The following PRKCA variants were observed in gnomAD, a reference collection of about 807,000 sequenced individuals.
The protein encoded by PRKCA is protein kinase C alpha, also known as protein kinase C alpha type.
A neutral mutation model predicts 87.0 loss-of-function variants in PRKCA; 27 were observed. The ratio of observed to expected loss-of-function variants is 0.31; its 90% CI spans 0.23 to 0.43. The LOEUF (loss-of-function observed/expected upper bound fraction) is 0.43. PRKCA is among the 20% of genes least tolerant of loss of function. The probability of loss-of-function intolerance (pLI) is 1.00; values close to 1 mark genes in which losing one functional copy is unlikely to be tolerated. For synonymous variants in PRKCA, 329 were observed against 311.1 expected, an observed-to-expected ratio of 1.06 and a Z score of -0.61; for missense variants, 518 against 852.3, an observed-to-expected ratio of 0.61 and a Z score of 4.88.
At chr17:66,561,681 G>A (rs1968682802) in intron 3 of PRKCA, among the ~76,000 whole-genome samples, 2 of 152,122 alleles carry the variant, frequency 1.3e-5, no homozygotes, top group Non-Finnish European at 2.9e-5. Context: ...CAGATGAATG[G>A]ATAAACAAAA....
chr17:66,633,249 G>A (rs1241598007), intron 3 of PRKCA, among the ~76,000 whole-genome samples: 1 of 151,824 alleles, frequency 6.6e-6, no homozygotes, highest in East Asian at 1.9e-4. Flanking sequence ...ACTTGGTTTT[G>A]GTAATCCTCT....
chr17:66,805,548 G>C lies in PRKCA; in HGVS notation c.*1511G>C, dbSNP rs1258649739. 6.6e-6 allele frequency: 1 copy of C among 152,318 alleles called. No homozygotes were observed. Among genetic ancestry groups the C allele is most frequent in the African/African-American group, 2.4e-5 (1 of 41,452 alleles). The allele number at this position is 152,318 out of a possible 1,614,324, so 9.4% of individuals were successfully genotyped here. On this transcript the variant is annotated 3_prime_UTR_variant, in exon 17 of 17. Coordinates refer to ENST00000413366, the MANE Select transcript of PRKCA (RefSeq NM_002737.3). ...TCAAAAATGAATGGCTAGTTTACGT[G>C]ATAGATTAGGCTCTTACTACATATG... is the stretch of plus-strand genomic sequence containing the variant.
intron 8 of PRKCA, among the ~76,000 whole-genome samples, chr17:66,715,366 T>C (rs1973447821): frequency 2.0e-5 from 3 of 152,364 alleles, no homozygotes; most frequent in South Asian, 2.1e-4. Flanking sequence ...CATTGAACTC[T>C]GCCCTCGTGT....
rs564655403 is a variant in PRKCA at position 66,713,049 on chromosome 17, C to CTTTTTT, written c.919-19624_919-19619dup. Among the ~76,000 whole-genome samples, 816 of 104,392 alleles carry CTTTTTT rather than the reference C, an allele frequency of 7.8e-3. 27 individuals carry two copies. The highest frequency in any genetic ancestry group is 0.023 in the African/African-American group (612 of 26,144). The allele number at this position is 104,392 out of a possible 152,430, so 68.5% of individuals were successfully genotyped here. ...AAGTTAAAGTGAACCCTTTGTTGTC[C>CTTTTTT]TTTTTTTTTTTTTTTTTTTTGAGAT... On this transcript the variant is annotated intron_variant, in intron 8 of 16. Transcript: ENST00000413366.
At chr17:66,432,732 T>C (rs571247621) in intron 2 of PRKCA, among the ~76,000 whole-genome samples, 1 of 152,232 alleles carries the variant, frequency 6.6e-6, no homozygotes, top group East Asian at 1.9e-4. Context: ...TTGCTGTTTG[T>C]TGATTGAATA....
chr17:66,388,407 G>C (rs1910185723), intron 2 of PRKCA, among the ~76,000 whole-genome samples: 1 of 151,760 alleles, frequency 6.6e-6, no homozygotes, highest in African/African-American at 2.4e-5. Flanking sequence ...CGATTCTCTT[G>C]CTTCAGCTTC....
At chr17:66,356,948 G>A (rs1908097406) in intron 2 of PRKCA, among the ~76,000 whole-genome samples, 1 of 152,086 alleles carries the variant, frequency 6.6e-6, no homozygotes, top group African/African-American at 2.4e-5. Flanking sequence ...TGGGAGAGAC[G>A]GAGTTTTGCC....
intron 3 of PRKCA, among the ~76,000 whole-genome samples, chr17:66,558,633 A>G (rs999536304): frequency 6.6e-6 from 1 of 152,136 alleles, no homozygotes; most frequent in African/African-American, 2.4e-5. Flanking sequence ...TTAGGCTAAG[A>G]GTGAGATCAT....
In PRKCA at chr17:66,642,260, G is replaced by C. The variant is rs61762399; in HGVS notation, c.400+794G>C. On this transcript the variant is annotated intron_variant, in intron 4 of 16. Transcript: ENST00000413366. ...TTCTCTTGCCTCAGCCTCCCGAGTA[G>C]CTGGGACTACAGGCCCCCACCACCA... Among the ~76,000 whole-genome samples the C allele has an allele frequency of 8.0e-4, 122 of 152,046 alleles. 1 individual carries two copies. Among genetic ancestry groups the C allele is most frequent in the African/African-American group, 2.7e-3 (114 of 41,470 alleles).
chr17:66,627,826 C>A (rs1049207354), intron 3 of PRKCA, among the ~76,000 whole-genome samples: 1 of 152,146 alleles, frequency 6.6e-6, no homozygotes, highest in African/African-American at 2.4e-5. Context: ...AAAAATTGAA[C>A]CTTCATAGTT....
At chr17:66,392,238 CAAAA>C (rs200825654) in intron 2 of PRKCA, among the ~76,000 whole-genome samples, 2 of 147,876 alleles carry the variant, frequency 1.4e-5, no homozygotes, top group African/African-American at 5.0e-5. Flanking sequence ...TCAACAACAA[CAAAA>C]AAAAAAATGT....
intron 3 of PRKCA, among the ~76,000 whole-genome samples, chr17:66,502,723 C>T (rs552648981): frequency 6.0e-4 from 91 of 151,968 alleles, no homozygotes; most frequent in Non-Finnish European, 9.9e-4. Flanking sequence ...GGTGCGATCT[C>T]GGCTCACTGC....
intron 3 of PRKCA, among the ~76,000 whole-genome samples, chr17:66,518,686 C>T (rs1483767091): frequency 2.0e-5 from 3 of 152,150 alleles, no homozygotes; most frequent in Non-Finnish European, 4.4e-5. Context: ...ATAGTCACAT[C>T]ATTAGAGAAT....
rs148842056 is a variant in PRKCA at position 66,346,202 on chromosome 17, T to G, written c.205+40075T>G. ...ACTTCCACCTCCTGGGTTCAGGCGA[T>G]TCTCCTGCCTCAACCTCTCGAGTAG... On this transcript the variant is annotated intron_variant, in intron 2 of 16. Transcript: ENST00000413366. Among the ~76,000 whole-genome samples the G allele has an allele frequency of 4.5e-3, 690 of 151,876 alleles. 2 individuals carry two copies. The highest frequency in any genetic ancestry group is 7.0e-3 in the Non-Finnish European group (474 of 67,962).
At position 66,467,870 on chromosome 17, in the gene PRKCA, A is replaced by AAAAAAC. The variant is rs1264447097; in HGVS notation, c.206-28319_206-28314dup. On this transcript the variant is annotated intron_variant, in intron 2 of 16. Coordinates refer to ENST00000413366, the MANE Select transcript of PRKCA (RefSeq NM_002737.3). Reference sequence around the variant, plus strand: ...ACTGCGTCTGGCCTTGGTTGTACTTAAAAAACAAAAACAAAAAATTAAAAA... The same window carrying AAAAAAC: ...ACTGCGTCTGGCCTTGGTTGTACTTAAAAAACAAAAACAAAAACAAAAAATTAAAAA... Among the ~76,000 whole-genome samples, 3 of 152,182 alleles carry AAAAAAC rather than the reference A, an allele frequency of 2.0e-5. No individual in the cohort carries two copies. In the East Asian group the frequency reaches 5.8e-4, roughly 29 times the overall value.
intron 16 of PRKCA, chr17:66,796,409 T>C: frequency 1.0e-6 from 1 of 983,642 alleles, no homozygotes; most frequent in Non-Finnish European, 1.2e-6. Context: ...GAACTGACTA[T>C]TCTCCAAATC....
chr17:66,602,961 T>C (rs1970096534), intron 3 of PRKCA, among the ~76,000 whole-genome samples: 2 of 152,206 alleles, frequency 1.3e-5, no homozygotes, highest in Admixed American at 6.5e-5. Context: ...CTCACTTTGC[T>C]GAGTCTCTCT....
At chr17:66,370,608 T>C (rs1909049891) in intron 2 of PRKCA, among the ~76,000 whole-genome samples, 1 of 148,016 alleles carries the variant, frequency 6.8e-6, no homozygotes, top group Non-Finnish European at 1.5e-5. Flanking sequence ...ATGCGTGTAG[T>C]GGTGTGATCA....
At chr17:66,520,240 T>A (rs1967114586) in intron 3 of PRKCA, among the ~76,000 whole-genome samples, 1 of 151,536 alleles carries the variant, frequency 6.6e-6, no homozygotes, top group East Asian at 1.9e-4. Context: ...CCTGCCTCAG[T>A]CTTCCAAGTA....
Sources: allele counts gnomAD v4.1 joint callset (sites outside exome capture counted in the v4.1 genomes callset), GRCh38; gene constraint gnomAD v4.1.1; transcripts MANE v1.5; gene names NCBI Gene and HGNC (gene_info 2026-07-23, HGNC 2026-07-21).